The following PCCA variants were observed in gnomAD, a reference collection of about 807,000 sequenced individuals.
The protein encoded by PCCA is propionyl-CoA carboxylase subunit alpha.
A neutral mutation model predicts 101.3 loss-of-function variants in PCCA; 74 were observed. The observed-to-expected ratio is 0.73, with a 90% CI of 0.61 to 0.89. The LOEUF (loss-of-function observed/expected upper bound fraction) is 0.89. Ranked by LOEUF, PCCA falls within the 40% of genes least tolerant of loss-of-function variation. The pLI, the probability that PCCA is intolerant of heterozygous loss-of-function variation, is 0.00. For synonymous variants in PCCA, 294 were observed against 313.6 expected (o/e 0.94, Z 0.66); for missense variants, 891 against 907.0 (o/e 0.98, Z 0.23).
chr13:100,133,056 G>A (rs1269183353), intron 4 of PCCA, among the ~76,000 whole-genome samples: 1 of 152,114 alleles, frequency 6.6e-6, no homozygotes, highest in Non-Finnish European at 1.5e-5. Flanking sequence ...TAGGATTATA[G>A]ACATGAGCCA....
chr13:100,162,697 G>A (rs781147664), intron 6 of PCCA, among the ~76,000 whole-genome samples: 2 of 152,004 alleles, frequency 1.3e-5, no homozygotes, highest in Non-Finnish European at 1.5e-5. Context: ...TACTAAGTAA[G>A]GTAACTGAGT....
intron 20 of PCCA, among the ~76,000 whole-genome samples, chr13:100,448,065 C>T (rs917081066): frequency 6.6e-6 from 1 of 152,236 alleles, no homozygotes; most frequent in African/African-American, 2.4e-5. Context: ...AAAAATGATG[C>T]TGGCTTAGTT....
At chr13:100,092,257 T>TA (rs1363726778) in intron 1 of PCCA, among the ~76,000 whole-genome samples, 3 of 152,258 alleles carry the variant, frequency 2.0e-5, no homozygotes, top group South Asian at 2.1e-4. Context: ...AACAACTAGG[T>TA]AAAAAATCCC....
At chr13:100,275,320 C>T (rs964755756) in intron 12 of PCCA, among the ~76,000 whole-genome samples, 7 of 152,242 alleles carry the variant, frequency 4.6e-5, no homozygotes, top group Admixed American at 3.3e-4. Context: ...GTTCGCTGTG[C>T]CGTGGCGGTA....
At chr13:100,418,542 C>T (rs1365699455) in intron 19 of PCCA, among the ~76,000 whole-genome samples, 1 of 152,142 alleles carries the variant, frequency 6.6e-6, no homozygotes, top group Non-Finnish European at 1.5e-5. Flanking sequence ...CAAGCTATAG[C>T]CTGCATGATC....
intron 19 of PCCA, among the ~76,000 whole-genome samples, chr13:100,392,311 C>T (rs184723126): frequency 6.6e-6 from 1 of 152,218 alleles, no homozygotes. Flanking sequence ...AATGTTGTCT[C>T]CAAAAAATAC....
intron 19 of PCCA, among the ~76,000 whole-genome samples, chr13:100,393,609 C>T (rs181056900): frequency 9.2e-5 from 14 of 151,856 alleles, no homozygotes; most frequent in African/African-American, 3.1e-4. Context: ...AGAAGAGATG[C>T]GGTTTCACCA....
At chr13:100,262,998 A>G (rs1481230245) in intron 10 of PCCA, among the ~76,000 whole-genome samples, 167 bp downstream of exon 10, 1 of 152,120 alleles carries the variant, frequency 6.6e-6, no homozygotes, top group African/African-American at 2.4e-5. Flanking sequence ...GAATGATACA[A>G]AAATCTACCT....
At chr13:100,119,038 A>G (rs1289073488) in intron 4 of PCCA, among the ~76,000 whole-genome samples, 11 of 151,646 alleles carry the variant, frequency 7.3e-5, no homozygotes, top group Non-Finnish European at 1.5e-4. Flanking sequence ...TTGTCCCTCA[A>G]CCACCTCTCA....
At chr13:100,490,567 A>T (rs1318167081) in intron 21 of PCCA, 1 of 152,184 alleles carries the variant, frequency 6.6e-6, no homozygotes, top group Non-Finnish European at 1.5e-5. Flanking sequence ...TATTTTCTGA[A>T]CAGTTTTGTT....
chr13:100,172,917 A>C (rs570349670), intron 6 of PCCA, among the ~76,000 whole-genome samples: 109 of 152,352 alleles, frequency 7.2e-4, no homozygotes, highest in African/African-American at 2.5e-3. Context: ...TACCATGCTC[A>C]TAACTACCGG....
intron 22 of PCCA, among the ~76,000 whole-genome samples, chr13:100,521,592 C>G (rs1359392576): frequency 6.6e-6 from 1 of 152,218 alleles, no homozygotes; most frequent in Non-Finnish European, 1.5e-5. Flanking sequence ...GGGATATTTA[C>G]CAGCCTATCT....
At chr13:100,397,571 GTATTCT>G (rs1273396894) in intron 19 of PCCA, among the ~76,000 whole-genome samples, 6 of 151,874 alleles carry the variant, frequency 4.0e-5, no homozygotes, top group Non-Finnish European at 5.9e-5. Flanking sequence ...TTTTTTGAAG[GTATTCT>G]TATTTTTAAG....
chr13:100,254,339 G>A (rs1471532154), intron 8 of PCCA, among the ~76,000 whole-genome samples: 1 of 152,164 alleles, frequency 6.6e-6, no homozygotes, highest in East Asian at 1.9e-4. Flanking sequence ...TATGTCAGCT[G>A]AAGAATACAA....
At chr13:100,503,131 A>T (rs1198809654) in intron 21 of PCCA, among the ~76,000 whole-genome samples, 1 of 152,234 alleles carries the variant, frequency 6.6e-6, no homozygotes, top group Non-Finnish European at 1.5e-5. Flanking sequence ...GCCTGTTGAC[A>T]GAGGCTCAGC....
At chr13:100,415,919 A>T (rs1038457235) in intron 19 of PCCA, among the ~76,000 whole-genome samples, 9 of 152,214 alleles carry the variant, frequency 5.9e-5, no homozygotes, top group African/African-American at 2.2e-4. Context: ...GTCATGAGGT[A>T]TCTCTGAGGA....
At chr13:100,446,712 T>TTAA (rs2080858425) in intron 20 of PCCA, among the ~76,000 whole-genome samples, 1 of 152,190 alleles carries the variant, frequency 6.6e-6, no homozygotes, top group Admixed American at 6.5e-5. Context: ...TTTTTTTGCC[T>TTAA]TTATTAAGTT....
At position 100,328,689 on chromosome 13, in the gene PCCA, A is replaced by ATTTTT. The variant is rs757599001; in HGVS notation, c.1430-1854_1430-1850dup. Among the ~76,000 whole-genome samples the ATTTTT allele has an allele frequency of 5.0e-3, 487 of 98,168 alleles. 6 individuals are homozygous for ATTTTT. The highest frequency in any genetic ancestry group is 7.6e-3 in the East Asian group (21 of 2,748). The allele number at this position is 98,168 out of a possible 152,430, so 64.4% of individuals were successfully genotyped here. ...TTGTTAGGTGTTAGCGTTGAGGTTA[A>ATTTTT]TTTTTTTTTTTTTTTTTTTTTTGAG... On this transcript the variant is annotated intron_variant, in intron 16 of 23. Coordinates refer to ENST00000376285, the MANE Select transcript of PCCA (RefSeq NM_000282.4).
chr13:100,116,870 G>A (rs1407305809), intron 4 of PCCA, among the ~76,000 whole-genome samples: 1 of 141,732 alleles, frequency 7.1e-6, no homozygotes, highest in Non-Finnish European at 1.5e-5. Flanking sequence ...GTTTTGTTTT[G>A]TTTTAACAAC....
Sources: allele counts gnomAD v4.1 joint callset (sites outside exome capture counted in the v4.1 genomes callset), GRCh38; gene constraint gnomAD v4.1.1; transcripts MANE v1.5; gene names NCBI Gene and HGNC (gene_info 2026-07-23, HGNC 2026-07-21).